The following ITGA11 variants were observed in gnomAD, a reference collection of about 807,000 sequenced individuals.
ITGA11 encodes integrin alpha-11.
In ITGA11, 97 loss-of-function variants were observed where a neutral mutation model predicts 141.9. The observed-to-expected ratio is 0.68, with a 90% confidence interval of 0.58 to 0.81. ITGA11 has a LOEUF of 0.81. Among genes scored for constraint, ITGA11 ranks in the 30% least tolerant of loss-of-function variants. ITGA11 has a pLI of 0.00. For missense variants in ITGA11, 1,387 were observed against 1,559.2 expected, an observed-to-expected ratio of 0.89 and a Z score of 1.86; for synonymous variants, 658 against 624.6, an observed-to-expected ratio of 1.05 and a Z score of -0.80.
At chr15:68,343,323 C>T (rs552474846) in intron 10 of ITGA11, among the ~76,000 whole-genome samples, 2 of 152,184 alleles carry the variant, frequency 1.3e-5, no homozygotes, top group East Asian at 3.9e-4. Context: ...GGGGTGAGTA[C>T]ATAGTAGGGT....
intron 1 of ITGA11, among the ~76,000 whole-genome samples, chr15:68,407,572 G>C (rs1479341354): frequency 5.3e-5 from 8 of 152,150 alleles, no homozygotes; most frequent in Non-Finnish European, 5.9e-5. Flanking sequence ...GAATGAACAG[G>C]CTGATTGCAG....
At chr15:68,343,624 G>A (rs1370422725) in intron 10 of ITGA11, among the ~76,000 whole-genome samples, 1 of 152,142 alleles carries the variant, frequency 6.6e-6, no homozygotes, top group Non-Finnish European at 1.5e-5. Context: ...GTGGTGCTGT[G>A]GGCTGGTGTG....
chr15:68,381,359 T>C (rs1895857139), intron 2 of ITGA11, among the ~76,000 whole-genome samples: 1 of 152,172 alleles, frequency 6.6e-6, no homozygotes, highest in South Asian at 2.1e-4. Flanking sequence ...AATACGGGAA[T>C]AGAGGACAGG....
intron 11 of ITGA11, among the ~76,000 whole-genome samples, chr15:68,336,548 T>G (rs962995119): frequency 6.6e-6 from 1 of 152,168 alleles, no homozygotes; most frequent in Non-Finnish European, 1.5e-5. Flanking sequence ...GCCTGATCAC[T>G]GTGAATCTCA....
At chr15:68,370,488 C>T (rs2140362272) in intron 2 of ITGA11, among the ~76,000 whole-genome samples, 1 of 152,296 alleles carries the variant, frequency 6.6e-6, no homozygotes, top group East Asian at 1.9e-4. Flanking sequence ...ATCACGGGGG[C>T]CCAGAGTGTC....
chr15:68,305,090 G>A lies in ITGA11; in HGVS notation c.3382-1205C>T, dbSNP rs1016332640. Reference sequence around the variant, plus strand: ...CTGGCCTGCAAGGCCCTCCCCTCTCGGGTCCCACCTGTCTTGCTGACCTCA... The same window carrying A: ...CTGGCCTGCAAGGCCCTCCCCTCTCAGGTCCCACCTGTCTTGCTGACCTCA... On this transcript the variant is annotated intron_variant, in intron 28 of 29. Coordinates refer to ENST00000315757, the MANE Select transcript of ITGA11 (RefSeq NM_001004439.2). This position sits in a 1 kb window ranked among gnomAD's most constrained non-coding sequence, Gnocchi z 4.6. Among the ~76,000 whole-genome samples the A allele has an allele frequency of 3.9e-5, 6 of 152,306 alleles. No homozygotes were observed. In the South Asian group the frequency reaches 1.0e-3, roughly 26 times the overall value.
intron 1 of ITGA11, among the ~76,000 whole-genome samples, chr15:68,416,649 G>C (rs1022052638): frequency 1.2e-4 from 19 of 152,188 alleles, no homozygotes; most frequent in African/African-American, 4.3e-4. Context: ...GTCATGGCTG[G>C]GTGCGGTGGC....
intron 9 of ITGA11, among the ~76,000 whole-genome samples, chr15:68,349,252 G>A (rs1008559975): frequency 6.6e-6 from 1 of 152,200 alleles, no homozygotes; most frequent in Non-Finnish European, 1.5e-5. Context: ...AATAGTGTAC[G>A]TTTTTGGCCA....
intron 2 of ITGA11, among the ~76,000 whole-genome samples, chr15:68,402,640 C>A (rs1235812077): frequency 6.6e-6 from 1 of 152,112 alleles, no homozygotes; most frequent in East Asian, 1.9e-4. Context: ...TCCCCAGGTG[C>A]CTGCTACCCC....
chr15:68,349,127 G>A (rs183055405), intron 9 of ITGA11, among the ~76,000 whole-genome samples: 1 of 152,234 alleles, frequency 6.6e-6, no homozygotes, highest in South Asian at 2.1e-4. Flanking sequence ...TGCCCATGTG[G>A]GTTGTTACTG....
intron 21 of ITGA11, among the ~76,000 whole-genome samples, chr15:68,316,453 T>C (rs144712378): frequency 0.011 from 1,709 of 152,338 alleles, 85 homozygotes; most frequent in Admixed American, 0.093. Flanking sequence ...CGGCCCCTTC[T>C]CTGCAGGAGT....
At chr15:68,312,419 T>C (rs115765953) in intron 24 of ITGA11, among the ~76,000 whole-genome samples, 3,131 of 152,176 alleles carry the variant, frequency 0.021, 46 homozygotes, top group East Asian at 0.046. Flanking sequence ...CTGAGGATGG[T>C]GGAATAGAAG....
In ITGA11 at chr15:68,317,231, C is replaced by T. The variant is rs750323911; in HGVS notation, c.2715+34G>A. The T allele has an allele frequency of 4.7e-6, 7 of 1,487,528 alleles. No homozygotes were observed. The South Asian group carries it at 5.6e-5, about 12-fold the overall frequency. The allele number at this position is 1,487,528 out of a possible 1,614,324, so 92.1% of individuals were successfully genotyped here. A position where few individuals can be genotyped will look rare whatever the true frequency, so the allele number is the denominator to read the frequency against. On this transcript the variant is annotated intron_variant, in intron 21 of 29. Transcript: ENST00000315757. ...ACTACCTGTGCCTCCCAGTGCCCAC[C>T]CTGACCCTCCCCCACATTGTCCCCA...
At chr15:68,368,429 A>G (rs543043078) in intron 3 of ITGA11, among the ~76,000 whole-genome samples, 1 of 152,340 alleles carries the variant, frequency 6.6e-6, no homozygotes, top group East Asian at 1.9e-4. Flanking sequence ...GTGTGTGCTT[A>G]GTGGATACAC....
At chr15:68,348,666 C>A (rs768927840) in intron 10 of ITGA11, among the ~76,000 whole-genome samples, 164 bp downstream of exon 10, 1 of 152,120 alleles carries the variant, frequency 6.6e-6, no homozygotes, top group Non-Finnish European at 1.5e-5. Flanking sequence ...CCTCTTCCAG[C>A]CCACAGAAGA....
intron 7 of ITGA11, among the ~76,000 whole-genome samples, chr15:68,356,090 GATTTT>G (rs928421618): frequency 6.8e-5 from 10 of 146,458 alleles, no homozygotes; most frequent in African/African-American, 1.5e-4. Context: ...GTTCTGGTGT[GATTTT>G]ATTTTATTTT....
Position 68,302,865 on chromosome 15 carries a change from G to T in ITGA11, c.*194C>A. 1 of 582,744 alleles carries T rather than the reference G, an allele frequency of 1.7e-6. No homozygotes were observed. Among genetic ancestry groups the T allele is most frequent in the Admixed American group, 3.1e-5 (1 of 32,618 alleles). The allele number at this position is 582,744 out of a possible 1,614,324, so 36.1% of individuals were successfully genotyped here. On this transcript the variant is annotated 3_prime_UTR_variant, in exon 30 of 30. Coordinates refer to ENST00000315757, the MANE Select transcript of ITGA11 (RefSeq NM_001004439.2). ...GTGTTAAAGGTGTCCCAGTCTCCCA[G>T]TAGGGCAGTTCCACTTAAAACCAGC...
intron 2 of ITGA11, among the ~76,000 whole-genome samples, chr15:68,370,660 G>A (rs1302112767): frequency 6.6e-6 from 1 of 152,208 alleles, no homozygotes; most frequent in East Asian, 1.9e-4. Flanking sequence ...GTGTGGGAGG[G>A]GACACCACAG....
chr15:68,419,751 CTT>C (rs1448462256), intron 1 of ITGA11, among the ~76,000 whole-genome samples: 1 of 152,196 alleles, frequency 6.6e-6, no homozygotes, highest in Non-Finnish European at 1.5e-5. Flanking sequence ...TTCTGGCTCT[CTT>C]GTTTAGCAGC....
Sources: gnomAD v4.1 joint callset for allele counts (sites outside exome capture counted in the v4.1 genomes callset) on GRCh38, gnomAD v4.1.1 for gene constraint, Gnocchi (gnomAD v3.1) non-coding constraint, MANE v1.5 for transcripts, NCBI Gene and HGNC (gene_info 2026-07-23, HGNC 2026-07-21) for gene names.